KYNU: variants seen among roughly 807,000 people sequenced by gnomAD.
KYNU encodes the protein L-kynurenine hydrolase.
KYNU carries 54 observed loss-of-function variants against 59.2 expected under a neutral mutation model. That is an observed-to-expected ratio of 0.91 (90% CI 0.73 to 1.14). KYNU has a LOEUF of 1.14. KYNU is among the 50% of genes most tolerant of loss of function. The pLI is 0.00. For missense variants in KYNU, 567 were observed against 554.4 expected (o/e 1.02, Z -0.23); for synonymous variants, 177 against 192.0 (o/e 0.92, Z 0.65).
At chr2:142,982,864 C>T (rs533112635) in intron 8 of KYNU, among the ~76,000 whole-genome samples, 4 of 152,130 alleles carry the variant, frequency 2.6e-5, no homozygotes, top group African/African-American at 4.8e-5. Flanking sequence ...GAAGAACTCA[C>T]GCAGTAACTG....
intron 12 of KYNU, among the ~76,000 whole-genome samples, chr2:143,036,443 G>A (rs1349840035): frequency 6.6e-6 from 1 of 152,114 alleles, no homozygotes; most frequent in East Asian, 1.9e-4. Flanking sequence ...AACAAAGGAA[G>A]GAGGAAGTAA....
rs542801005 is a variant in KYNU, at chr2:142,888,596, C to T, written c.169+3060C>T. On this transcript the variant is annotated intron_variant, in intron 2 of 13. Transcript: ENST00000264170. ...TTCACTAGAGATCTTATTAAAAATA[C>T]AAGTTCTTGTGTCCTAACTCAGAAT... is the stretch of plus-strand genomic sequence containing the variant. Among the ~76,000 whole-genome samples the T allele has an allele frequency of 5.9e-5, 9 of 152,118 alleles. 1 individual carries two copies. In the South Asian group the frequency reaches 1.9e-3, roughly 32 times the overall value.
At chr2:142,924,541 G>A (rs562704626) in intron 3 of KYNU, among the ~76,000 whole-genome samples, 70 of 152,318 alleles carry the variant, frequency 4.6e-4, no homozygotes, top group African/African-American at 1.7e-3. Flanking sequence ...TTTTCACTTT[G>A]TGGGATGGTT....
intron 2 of KYNU, among the ~76,000 whole-genome samples, chr2:142,901,643 C>T (rs926896025): frequency 3.3e-5 from 5 of 151,984 alleles, no homozygotes; most frequent in Admixed American, 2.6e-4. Flanking sequence ...GCTGTGTGGG[C>T]GTAGAGGACT....
Position 142,894,299 on chromosome 2 carries a change from G to A in KYNU, c.169+8763G>A, listed in dbSNP as rs563775102. On this transcript the variant is annotated intron_variant, in intron 2 of 13. Transcript: ENST00000264170. ...ATATTCAAAGTCCAAGAAGCTTGTT[G>A]GGAGCATAGCCTTGTATGGGGCATC... Among the ~76,000 whole-genome samples, 3 of 152,170 alleles carry A rather than the reference G, an allele frequency of 2.0e-5. No homozygotes were observed. The East Asian group carries it at 5.8e-4, about 29-fold the overall frequency.
Position 142,956,224 on chromosome 2 carries a change from C to A in KYNU, c.457C>A (p.Pro153Thr), listed in dbSNP as rs1444489351. Reference sequence around the variant, plus strand: ...GCAGTTATCATTTTTTAAGCCTACGCCAAAACGATATAAAATTCTTCTAGA... The same window carrying A: ...GCAGTTATCATTTTTTAAGCCTACGACAAAACGATATAAAATTCTTCTAGA... Reference protein sequence around the residue: ...LLMLSFFKPTPKRYKILLEAK... With the variant: ...LLMLSFFKPTTKRYKILLEAK... Residue 153 changes from proline (P) to threonine (T), a missense_variant, in exon 6 of 14, where the codon CCA becomes ACA. Coordinates refer to ENST00000264170, the MANE Select transcript of KYNU (RefSeq NM_003937.3). The A allele has an allele frequency of 1.2e-6, 2 of 1,600,432 alleles. No homozygotes were observed. Among genetic ancestry groups the A allele is most frequent in the Non-Finnish European group, 1.7e-6 (2 of 1,168,458 alleles).
chr2:142,955,839 C>T (rs1008907042), intron 5 of KYNU, among the ~76,000 whole-genome samples: 4 of 152,004 alleles, frequency 2.6e-5, no homozygotes, highest in African/African-American at 9.7e-5. Context: ...GTCATGCCAT[C>T]AAAATTACCA....
chr2:143,033,370 A>T, intron 12 of KYNU, 49 bp downstream of exon 12: 1 of 1,321,872 alleles, frequency 7.6e-7, no homozygotes, highest in Non-Finnish European at 1.1e-6. Context: ...TTTTTTCTTG[A>T]TCTGTTTGTG....
chr2:142,999,817 T>A (rs1183512233), intron 10 of KYNU, among the ~76,000 whole-genome samples: 2 of 152,060 alleles, frequency 1.3e-5, no homozygotes, highest in African/African-American at 2.4e-5. Flanking sequence ...AAAATAAATT[T>A]TAATAAGACA....
At chr2:142,886,934 G>T (rs1681534786) in intron 2 of KYNU, among the ~76,000 whole-genome samples, 1 of 152,300 alleles carries the variant, frequency 6.6e-6, no homozygotes, top group South Asian at 2.1e-4. Context: ...ACTTTGGGAG[G>T]CCGAGGCGGG....
Position 143,029,615 on chromosome 2 carries a change from T to C in KYNU, c.903-12T>C. Reference sequence around the variant, plus strand: ...AACCCCCAAAAACCTAATGTTTTTATTTATATTTTAGATTAGTGGGATGGT... The same window carrying C: ...AACCCCCAAAAACCTAATGTTTTTACTTATATTTTAGATTAGTGGGATGGT... On this transcript the variant is annotated splice_polypyrimidine_tract_variant and intron_variant, in intron 10 of 13. Coordinates refer to ENST00000264170, the MANE Select transcript of KYNU (RefSeq NM_003937.3). The C allele has an allele frequency of 6.3e-7, 1 of 1,583,260 alleles. No homozygotes were observed. Among genetic ancestry groups the C allele is most frequent in the South Asian group, 1.1e-5 (1 of 90,362 alleles).
At chr2:142,897,535 A>G (rs1223126694) in intron 2 of KYNU, among the ~76,000 whole-genome samples, 1 of 152,256 alleles carries the variant, frequency 6.6e-6, no homozygotes, top group East Asian at 1.9e-4. Flanking sequence ...TGGTAATACC[A>G]GAGATCCAAA....
chr2:143,031,947 G>T (rs1201186045), intron 11 of KYNU, among the ~76,000 whole-genome samples: 2 of 152,054 alleles, frequency 1.3e-5, no homozygotes, highest in Non-Finnish European at 2.9e-5. Flanking sequence ...GGTGATGGGA[G>T]GTGAGAGAGA....
At chr2:142,994,457 A>G (rs915274061) in intron 10 of KYNU, among the ~76,000 whole-genome samples, 4 of 152,060 alleles carry the variant, frequency 2.6e-5, no homozygotes, top group African/African-American at 7.2e-5. Context: ...GCTAGCATCT[A>G]TTGTCCTCAT....
chr2:142,927,196 CAT>C (rs1683070773), intron 3 of KYNU, among the ~76,000 whole-genome samples: 1 of 152,080 alleles, frequency 6.6e-6, no homozygotes, highest in South Asian at 2.1e-4. Flanking sequence ...AAAATGGTAT[CAT>C]GAGTATAATC....
rs1229768349 is a variant in KYNU, at chr2:142,918,738, T to A, written c.290+9T>A. ...GATAAGTGGGCCAAAATGTAAGTATTATTTTAAAAGCTACTACTCTACATC... is the reference window on the plus strand; with the variant it reads ...GATAAGTGGGCCAAAATGTAAGTATAATTTTAAAAGCTACTACTCTACATC... On this transcript the variant is annotated intron_variant, in intron 3 of 13. Coordinates refer to ENST00000264170, the MANE Select transcript of KYNU (RefSeq NM_003937.3). 6.2e-7 allele frequency: 1 copy of A among 1,608,962 alleles called. No homozygotes were observed. The highest frequency in any genetic ancestry group is 2.2e-5 in the East Asian group (1 of 44,714).
chr2:142,985,355 T>A (rs1451990221), intron 9 of KYNU, among the ~76,000 whole-genome samples, 173 bp downstream of exon 9: 1 of 152,012 alleles, frequency 6.6e-6, no homozygotes, highest in Non-Finnish European at 1.5e-5. Flanking sequence ...TGATAATTAA[T>A]ATAATTCTAG....
intron 4 of KYNU, chr2:142,947,828 A>G (rs953843153): frequency 4.6e-5 from 7 of 152,470 alleles, no homozygotes; most frequent in South Asian, 2.1e-4. Context: ...ATCTACAGAA[A>G]TACCATGGGC....
intron 8 of KYNU, among the ~76,000 whole-genome samples, chr2:142,976,504 G>C (rs751168835): frequency 6.6e-6 from 1 of 151,996 alleles, no homozygotes. Context: ...AGGACAACGG[G>C]GTTTTTCCAA....
Sources: allele counts gnomAD v4.1 joint callset (sites outside exome capture counted in the v4.1 genomes callset), GRCh38; gene constraint gnomAD v4.1.1; transcripts MANE v1.5; gene names NCBI Gene and HGNC (gene_info 2026-07-23, HGNC 2026-07-21).